The following ALK variants were observed in gnomAD, a reference collection of about 807,000 sequenced individuals.
ALK encodes the protein ALK tyrosine kinase receptor.
Under a neutral mutation model 163.1 loss-of-function variants are expected in ALK, and 74 were observed. The observed-to-expected ratio is 0.45, with a 90% confidence interval of 0.38 to 0.55. The LOEUF is 0.55. Ranked by LOEUF, ALK falls within the 20% of genes least tolerant of loss-of-function variation. ALK has a pLI of 0.00. For missense variants in ALK, 2,063 were observed against 2,105.3 expected (o/e 0.98, Z 0.39); for synonymous variants, 960 against 843.2 (o/e 1.14, Z -2.40).
At chr2:29,725,233 T>G (rs1679539167) in intron 1 of ALK, among the ~76,000 whole-genome samples, 1 of 142,100 alleles carries the variant, frequency 7.0e-6, no homozygotes, top group Non-Finnish European at 1.5e-5. Flanking sequence ...GCCCAAACAC[T>G]CTGGCCACTG....
intron 1 of ALK, among the ~76,000 whole-genome samples, chr2:29,879,500 A>C (rs867624603): frequency 4.6e-5 from 7 of 152,244 alleles, no homozygotes; most frequent in African/African-American, 7.2e-5. Context: ...AACCTGTTTT[A>C]AACTATTCTG....
At chr2:29,685,906 C>G (rs192080669) in intron 3 of ALK, among the ~76,000 whole-genome samples, 1 of 152,276 alleles carries the variant, frequency 6.6e-6, no homozygotes, top group East Asian at 1.9e-4. Context: ...CGGCTTCTTC[C>G]TCCATCTTCA....
At chr2:29,422,669 T>C (rs1240479239) in intron 4 of ALK, among the ~76,000 whole-genome samples, 1 of 152,292 alleles carries the variant, frequency 6.6e-6, no homozygotes, top group East Asian at 1.9e-4. Context: ...ATCAAGCTTA[T>C]CATATGGAAA....
At chr2:29,243,630 G>A (rs910373157) in intron 12 of ALK, among the ~76,000 whole-genome samples, 3 of 152,276 alleles carry the variant, frequency 2.0e-5, no homozygotes, top group Non-Finnish European at 2.9e-5. Context: ...TTTCACCCAG[G>A]GCCCACCTCT....
At chr2:29,398,228 A>G (rs1295124565) in intron 4 of ALK, among the ~76,000 whole-genome samples, 2 of 152,148 alleles carry the variant, frequency 1.3e-5, no homozygotes, top group Non-Finnish European at 2.9e-5. Context: ...TTGAATCAAT[A>G]CAGTAAGAAA....
chr2:29,755,689 A>G (rs188815535), intron 1 of ALK, among the ~76,000 whole-genome samples: 5 of 152,290 alleles, frequency 3.3e-5, no homozygotes, highest in African/African-American at 1.2e-4. Flanking sequence ...GGCACATATT[A>G]GTACCCACCT....
At chr2:29,437,132 G>A (rs935015380) in intron 4 of ALK, among the ~76,000 whole-genome samples, 14 of 152,162 alleles carry the variant, frequency 9.2e-5, no homozygotes, top group Non-Finnish European at 1.9e-4. Flanking sequence ...TTCTTCCAGA[G>A]CTCTTGGGGA....
intron 1 of ALK, among the ~76,000 whole-genome samples, chr2:29,854,357 C>T (rs1666085774): frequency 6.6e-6 from 1 of 152,122 alleles, no homozygotes; most frequent in African/African-American, 2.4e-5. Context: ...TCCCTCGTGT[C>T]TCACTGTTAG....
intron 1 of ALK, among the ~76,000 whole-genome samples, chr2:29,862,625 C>A (rs1375875292): frequency 6.6e-6 from 1 of 151,908 alleles, no homozygotes; most frequent in African/African-American, 2.4e-5. Flanking sequence ...TTAAATAAAA[C>A]ACAAATAAAT....
intron 1 of ALK, among the ~76,000 whole-genome samples, chr2:29,739,262 A>G (rs1489544194): frequency 1.3e-5 from 2 of 149,850 alleles, no homozygotes; most frequent in Non-Finnish European, 3.0e-5. Context: ...AAAAAAAAAA[A>G]AAAAAAAGAA....
At chr2:29,437,549 A>G (rs1429228629) in intron 4 of ALK, among the ~76,000 whole-genome samples, 1 of 152,204 alleles carries the variant, frequency 6.6e-6, no homozygotes, top group African/African-American at 2.4e-5. Flanking sequence ...CTCTTGACCA[A>G]AATGAGTTAC....
chr2:29,238,112 G>A (rs1664429392), intron 13 of ALK, among the ~76,000 whole-genome samples: 2 of 152,168 alleles, frequency 1.3e-5, no homozygotes, highest in Non-Finnish European at 2.9e-5. Flanking sequence ...GTGTGGCCGG[G>A]TACATAGAAG....
chr2:29,422,435 A>G (rs960291203), intron 4 of ALK, among the ~76,000 whole-genome samples: 1 of 151,610 alleles, frequency 6.6e-6, no homozygotes, highest in Non-Finnish European at 1.5e-5. Context: ...TCTCTAGTCC[A>G]GGCTTCTTTT....
intron 12 of ALK, among the ~76,000 whole-genome samples, chr2:29,241,159 C>T (rs887278725): frequency 1.3e-5 from 2 of 152,046 alleles, no homozygotes; most frequent in Non-Finnish European, 1.5e-5. Context: ...CGGTGTAAGG[C>T]GTTGTGAACC....
intron 4 of ALK, among the ~76,000 whole-genome samples, chr2:29,491,127 T>C (rs1179527752): frequency 6.6e-6 from 1 of 152,190 alleles, no homozygotes; most frequent in Non-Finnish European, 1.5e-5. Flanking sequence ...ATAAACATTA[T>C]CTTATTTTAT....
intron 3 of ALK, among the ~76,000 whole-genome samples, chr2:29,551,267 T>C (rs1673706874): frequency 6.6e-6 from 1 of 152,184 alleles, no homozygotes; most frequent in Non-Finnish European, 1.5e-5. Context: ...ATAAGATTAG[T>C]TATGTAAAGT....
rs184614695 is a variant in ALK at position 29,487,990 on chromosome 2, T to C, written c.1154+43925A>G. The stretch of plus-strand genomic sequence containing the variant: ...GTTTATTTTCTTGGGTTGTTATTTT[T>C]TTTTTCTGTTGGACTCTTTTATACT... On this transcript the variant is annotated intron_variant, in intron 4 of 28. Transcript: ENST00000389048. Among the ~76,000 whole-genome samples, 1,227 of 152,278 alleles carry C rather than the reference T, an allele frequency of 8.1e-3. 11 individuals are homozygous for C. Among genetic ancestry groups the C allele is most frequent in the Non-Finnish European group, 0.011 (722 of 68,006 alleles).
chr2:29,396,223 C>T (rs1438099488), intron 4 of ALK, among the ~76,000 whole-genome samples: 1 of 152,148 alleles, frequency 6.6e-6, no homozygotes, highest in Non-Finnish European at 1.5e-5. Flanking sequence ...GATAATAACG[C>T]TGTTGCAGGC....
intron 1 of ALK, among the ~76,000 whole-genome samples, chr2:29,895,601 T>G (rs1558537932): frequency 2.0e-5 from 3 of 152,224 alleles, no homozygotes; most frequent in Non-Finnish European, 4.4e-5. Context: ...AAGGAATTCA[T>G]GGTCTTTTAA....
Sources: gnomAD v4.1 joint callset for allele counts (sites outside exome capture counted in the v4.1 genomes callset) on GRCh38, gnomAD v4.1.1 for gene constraint, MANE v1.5 for transcripts, NCBI Gene and HGNC (gene_info 2026-07-23, HGNC 2026-07-21) for gene names.